RIMS1: variants seen among roughly 807,000 people sequenced by gnomAD.
The protein encoded by RIMS1 is regulating synaptic membrane exocytosis 1, also known as regulating synaptic membrane exocytosis protein 1.
In RIMS1, 83 loss-of-function variants were observed where a neutral mutation model predicts 214.1. The observed-to-expected ratio is 0.39, with a 90% CI of 0.32 to 0.47. The LOEUF (loss-of-function observed/expected upper bound fraction) is 0.47, where lower values mean the gene tolerates loss of function less well. Ranked by LOEUF, RIMS1 falls within the 20% of genes least tolerant of loss-of-function variation. RIMS1 has a pLI of 0.99. For missense variants in RIMS1, 2,050 were observed against 2,161.8 expected (o/e 0.95, Z 1.03); for synonymous variants, 793 against 786.8 (o/e 1.01, Z -0.13).
Position 71,891,624 on chromosome 6 carries a change from G to A in RIMS1, c.164+4437G>A, listed in dbSNP as rs1406609933. ...ATCTGGGGAACCTTGAGGGGGATGAGGATAGCGTTCCTATGTATGCAGGTA... is the reference window on the plus strand; with the variant it reads ...ATCTGGGGAACCTTGAGGGGGATGAAGATAGCGTTCCTATGTATGCAGGTA... On this transcript the variant is annotated intron_variant, in intron 1 of 33. Transcript: ENST00000521978. Among the ~76,000 whole-genome samples, 4 of 152,130 alleles carry A rather than the reference G, an allele frequency of 2.6e-5. No individual in the cohort carries two copies. The East Asian group carries it at 5.8e-4, about 22-fold the overall frequency.
At chr6:72,290,995 A>T in intron 25 of RIMS1, 134 bp downstream of exon 25, 1 of 731,646 alleles carries the variant, frequency 1.4e-6, no homozygotes, top group East Asian at 2.7e-5. Flanking sequence ...GTGACACTTA[A>T]ATCTCTCTCA....
chr6:72,338,247 C>A (rs1299774434), intron 29 of RIMS1, among the ~76,000 whole-genome samples: 1 of 151,848 alleles, frequency 6.6e-6, no homozygotes, highest in African/African-American at 2.4e-5. Context: ...TCCTCTCCAG[C>A]ACCTGTTGTT....
intron 2 of RIMS1, among the ~76,000 whole-genome samples, chr6:71,992,450 C>CTTTCTT (rs762623144): frequency 4.0e-5 from 4 of 99,176 alleles, no homozygotes; most frequent in South Asian, 3.5e-4. Flanking sequence ...TTCTTTCTTT[C>CTTTCTT]TCTTTCTCTT....
intron 4 of RIMS1, among the ~76,000 whole-genome samples, chr6:72,123,618 T>A (rs1453418776): frequency 7.9e-5 from 12 of 151,886 alleles, no homozygotes; most frequent in Non-Finnish European, 1.5e-5. Flanking sequence ...AGTCTCTTTG[T>A]AGGTCTCTAA....
intron 2 of RIMS1, among the ~76,000 whole-genome samples, chr6:72,040,619 A>G (rs1466689570): frequency 6.6e-6 from 1 of 151,930 alleles, no homozygotes; most frequent in African/African-American, 2.4e-5. Flanking sequence ...TAAAATATGT[A>G]AGTAGTTTTA....
chr6:72,208,230 A>T (rs542635894), intron 6 of RIMS1, among the ~76,000 whole-genome samples: 32 of 152,170 alleles, frequency 2.1e-4, no homozygotes, highest in Non-Finnish European at 4.3e-4. Flanking sequence ...TGTTGTAATA[A>T]ATTGAAGTCT....
chr6:72,037,686 T>G (rs2152058761), intron 2 of RIMS1, among the ~76,000 whole-genome samples: 1 of 152,214 alleles, frequency 6.6e-6, no homozygotes, highest in Admixed American at 6.5e-5. Context: ...CCCTTTGGGT[T>G]TTTTGTTCTT....
chr6:72,264,037 A>T, intron 19 of RIMS1: 2 of 795,908 alleles, frequency 2.5e-6, no homozygotes, highest in Non-Finnish European at 3.0e-6. Flanking sequence ...TCATTTTTTA[A>T]TTGAAGTTTT....
chr6:72,132,136 C>T (rs546073345), intron 4 of RIMS1, among the ~76,000 whole-genome samples: 1 of 152,316 alleles, frequency 6.6e-6, no homozygotes, highest in African/African-American at 2.4e-5. Context: ...AGGCGACATA[C>T]ATCCTCCTCT....
intron 29 of RIMS1, among the ~76,000 whole-genome samples, chr6:72,384,328 C>G: frequency 6.6e-6 from 1 of 152,008 alleles, no homozygotes; most frequent in Non-Finnish European, 1.5e-5. Flanking sequence ...TCTCTATTTA[C>G]TCACCTCTCA....
chr6:72,262,204 T>C (rs2078341257), intron 19 of RIMS1: 1 of 845,060 alleles, frequency 1.2e-6, no homozygotes, highest in Admixed American at 6.3e-5. Context: ...ATTTTGTACT[T>C]GTAAAATATT....
chr6:72,003,602 GTGTGTGTCTGTGTGTGTGTGTGTGTGTC>G (rs1322608305), intron 2 of RIMS1, among the ~76,000 whole-genome samples: 1 of 142,370 alleles, frequency 7.0e-6, no homozygotes, highest in Non-Finnish European at 1.6e-5. Context: ...TTGCTTGCAG[GTGTGTGTCTGTGTGTGTGTGTGTGTGTC>G]TGTGTGTCTG....
chr6:72,319,027 T>A (rs1039393811), intron 28 of RIMS1, among the ~76,000 whole-genome samples: 9 of 143,802 alleles, frequency 6.3e-5, no homozygotes, highest in South Asian at 2.2e-4. Flanking sequence ...TTTTTTAAAA[T>A]TTTTTTTTAA....
intron 2 of RIMS1, among the ~76,000 whole-genome samples, chr6:72,041,004 A>G (rs1459808974): frequency 6.6e-6 from 1 of 151,926 alleles, no homozygotes; most frequent in Non-Finnish European, 1.5e-5. Flanking sequence ...TACCTTATAG[A>G]CGATACAAAT....
At chr6:72,262,650 A>G in intron 19 of RIMS1, 1 of 876,714 alleles carries the variant, frequency 1.1e-6, no homozygotes, top group Non-Finnish European at 1.4e-6. Context: ...TAAAAACATT[A>G]ATTTATATCT....
intron 4 of RIMS1, among the ~76,000 whole-genome samples, chr6:72,173,513 A>G (rs553459484): frequency 2.7e-4 from 40 of 150,100 alleles, no homozygotes; most frequent in South Asian, 8.6e-4. Flanking sequence ...GTGTTTTCTT[A>G]TCTCTTGTTT....
chr6:72,182,779 C>G lies in RIMS1; in HGVS notation c.1308C>G (p.Thr436=), dbSNP rs1350578810. The G allele has an allele frequency of 2.6e-6, 4 of 1,545,518 alleles. No homozygotes were observed. The highest frequency in any genetic ancestry group is 1.7e-6 in the Non-Finnish European group (2 of 1,149,808). ...RAYSAERTAE[T]RAPGAKQLTN... is the part of the protein sequence containing the mutation. ...ACTCGGCTGAGAGAACTGCGGAGAC[C>G]AGGGCGCCGGGCGCCAAGCAGCTAA... The change falls in exon 6 of 34, where the codon ACC becomes ACG. Residue 436 remains threonine (T), a synonymous_variant. Coordinates refer to ENST00000521978, the MANE Select transcript of RIMS1 (RefSeq NM_014989.7).
intron 1 of RIMS1, among the ~76,000 whole-genome samples, chr6:71,964,441 T>TA (rs1421132484): frequency 9.9e-5 from 15 of 152,228 alleles, no homozygotes; most frequent in African/African-American, 3.4e-4. Context: ...GGTGACCAGT[T>TA]AAAAATCTAT....
intron 29 of RIMS1, among the ~76,000 whole-genome samples, chr6:72,373,293 A>T (rs2154404289): frequency 6.6e-6 from 1 of 152,302 alleles, no homozygotes; most frequent in East Asian, 1.9e-4. Context: ...TAATATTCTT[A>T]TAAATATACT....
Sources: gnomAD v4.1 joint callset for allele counts (sites outside exome capture counted in the v4.1 genomes callset) on GRCh38, gnomAD v4.1.1 for gene constraint, MANE v1.5 for transcripts, NCBI Gene and HGNC (gene_info 2026-07-23, HGNC 2026-07-21) for gene names.